Variants in RTN4 observed in about 807,000 individuals in gnomAD.
RTN4 encodes reticulon 4.
Under a neutral mutation model 90.4 loss-of-function variants are expected in RTN4, and 32 were observed. The observed-to-expected ratio is 0.35, with a 90% CI of 0.27 to 0.48. The LOEUF is 0.48. RTN4 is among the 20% of genes least tolerant of loss of function. The pLI is 0.99. For missense variants in RTN4, 1,706 were observed against 1,430.2 expected (o/e 1.19, Z -3.11); for synonymous variants, 629 against 552.5 (o/e 1.14, Z -1.94).
At chr2:55,015,142 T>C (rs1432159125) in intron 3 of RTN4, among the ~76,000 whole-genome samples, 1 of 152,046 alleles carries the variant, frequency 6.6e-6, no homozygotes, top group Non-Finnish European at 1.5e-5. Flanking sequence ...TCTGCAACAC[T>C]AGATGGCACC....
At chr2:55,137,372 A>G in the RTN4 span, among the ~76,000 whole-genome samples, 2 of 152,160 alleles carry the variant, frequency 1.3e-5, no homozygotes, top group African/African-American at 2.4e-5. Context: ...CAGTGACGCT[A>G]CGGAGTCAGG....
At chr2:55,054,260 G>A (rs1325627480), upstream of RTN4, among the ~76,000 whole-genome samples, 6 of 152,252 alleles carry the variant, frequency 3.9e-5, no homozygotes, top group African/African-American at 1.4e-4. Context: ...CTTGAAACAG[G>A]TGTGTCTGTA....
chr2:55,050,528 C>T (rs202126097), upstream of RTN4: 13 of 375,974 alleles, frequency 3.5e-5, no homozygotes, highest in Admixed American at 9.2e-5. This position sits in a 1 kb window ranked among gnomAD's most constrained non-coding sequence, Gnocchi z 4.6. Flanking sequence ...CCCAGATGAG[C>T]TAGGAGTGAG....
At chr2:54,992,962 T>C (rs1280542087) in intron 3 of RTN4, among the ~76,000 whole-genome samples, 1 of 150,096 alleles carries the variant, frequency 6.7e-6, no homozygotes, top group Non-Finnish European at 1.5e-5. Context: ...TAGTCCCAGC[T>C]ACTCAGGAGG....
chr2:55,125,920 G>A, the RTN4 span, among the ~76,000 whole-genome samples: 8 of 151,858 alleles, frequency 5.3e-5, no homozygotes, highest in African/African-American at 1.9e-4. Flanking sequence ...AATTAGCCAG[G>A]CATGGCAGCA....
At position 55,100,878 on chromosome 2, in the gene RTN4, AT is replaced by A. The variant is rs11453320; in HGVS notation, c.-214+11641del. Among the ~76,000 whole-genome samples, 104 of 146,424 alleles carry A rather than the reference AT, an allele frequency of 7.1e-4. 1 individual carries two copies. Among genetic ancestry groups the A allele is most frequent in the Admixed American group, 2.0e-3 (29 of 14,658 alleles). On this transcript the variant is annotated intron_variant, in intron 1 of 3. Transcript: ENST00000427710. ...TTTTTCTCTTGACAGCACTCTTAGCATTTTTTTTTTTTACTCTTACCATTTT... is the reference window on the plus strand; with the variant it reads ...TTTTTCTCTTGACAGCACTCTTAGCATTTTTTTTTTTACTCTTACCATTTT...
chr2:55,038,076 T>C (rs190777661), intron 1 of RTN4, among the ~76,000 whole-genome samples: 9 of 152,218 alleles, frequency 5.9e-5, no homozygotes, highest in Non-Finnish European at 8.8e-5. Flanking sequence ...GCTTATTATA[T>C]GTATGGAAAA....
intron 1 of RTN4, among the ~76,000 whole-genome samples, chr2:55,107,812 G>A (rs1374724451): frequency 6.6e-6 from 1 of 152,100 alleles, no homozygotes; most frequent in Non-Finnish European, 1.5e-5. Context: ...TACAAAAACA[G>A]AGATTGTGAA....
chr2:55,035,341 C>CTAAA (rs1682601395), intron 1 of RTN4, among the ~76,000 whole-genome samples: 2 of 151,976 alleles, frequency 1.3e-5, no homozygotes, highest in Non-Finnish European at 2.9e-5. Flanking sequence ...ATTAAATCAC[C>CTAAA]TAAAATATCC....
At chr2:54,988,786 G>GC (rs1472691877) in intron 3 of RTN4, among the ~76,000 whole-genome samples, 1 of 152,206 alleles carries the variant, frequency 6.6e-6, no homozygotes, top group African/African-American at 2.4e-5. Flanking sequence ...GTCAGACAAA[G>GC]CCCAATTTAG....
At chr2:55,030,232 G>C (rs1438213831) in intron 1 of RTN4, among the ~76,000 whole-genome samples, 1 of 151,724 alleles carries the variant, frequency 6.6e-6, no homozygotes, top group Non-Finnish European at 1.5e-5. Flanking sequence ...TTCCTACCTA[G>C]TGCAATAATC....
At chr2:55,117,766 A>G in the RTN4 span, among the ~76,000 whole-genome samples, 115 of 152,314 alleles carry the variant, frequency 7.6e-4, 1 homozygote, top group East Asian at 0.017. Flanking sequence ...GCAATCTTTG[A>G]TGGTAAAAAT....
At chr2:55,030,576 A>G (rs1162355568) in intron 1 of RTN4, among the ~76,000 whole-genome samples, 1 of 152,188 alleles carries the variant, frequency 6.6e-6, no homozygotes, top group East Asian at 1.9e-4. Context: ...AACTTGTAAA[A>G]TAAGGATAAT....
chr2:55,030,260 T>C (rs1161927858), intron 1 of RTN4, among the ~76,000 whole-genome samples: 1 of 152,198 alleles, frequency 6.6e-6, no homozygotes, highest in African/African-American at 2.4e-5. Context: ...ATAAAAACTA[T>C]ATTCCTGGAA....
intron 2 of RTN4, among the ~76,000 whole-genome samples, chr2:55,076,389 CTTTTTTTTTTTT>C (rs58070912): frequency 3.1e-5 from 2 of 64,648 alleles, no homozygotes; most frequent in Non-Finnish European, 5.3e-5. Flanking sequence ...TTCTTTTGTT[CTTTTTTTTTTTT>C]TTTTTTTTTT....
Position 55,026,128 on chromosome 2 carries a change from TG to T in RTN4, c.1970del (p.Pro657HisfsTer7). On this transcript the variant is annotated frameshift_variant, in exon 3 of 9. Transcript: ENST00000337526. LOFTEE classifies it high-confidence loss of function. ...ESIKHEPENPPPYEEAMSVSL... is the reference protein window; with the variant it reads ...ESIKHEPENPXPYEEAMSVSL... ...ATACACTCATGGCCTCTTCATATGG[TG>T]GGGGGTTTTCAGGCTCATGTTTTAT... 6.2e-7 allele frequency: 1 copy of T among 1,613,336 alleles called. No homozygotes were observed. Among genetic ancestry groups the T allele is most frequent in the Non-Finnish European group, 8.5e-7 (1 of 1,179,782 alleles).
chr2:55,072,741 A>G (rs575808692), intron 2 of RTN4, among the ~76,000 whole-genome samples: 1 of 152,330 alleles, frequency 6.6e-6, no homozygotes, highest in South Asian at 2.1e-4. Flanking sequence ...TCTAATTTTG[A>G]AATTCCCCAA....
At chr2:55,049,596 T>C (rs959943997) in intron 1 of RTN4, 149 bp downstream of exon 1, 5 of 1,341,776 alleles carry the variant, frequency 3.7e-6, no homozygotes, top group Admixed American at 2.0e-5. Context: ...TCCCCGCGCT[T>C]CCAACCAGAC....
At chr2:55,041,305 C>T (rs1357577565) in intron 1 of RTN4, among the ~76,000 whole-genome samples, 3 of 151,940 alleles carry the variant, frequency 2.0e-5, no homozygotes, top group Non-Finnish European at 4.4e-5. Flanking sequence ...ACAATATCAA[C>T]ACCGAATGTA....
Sources: allele counts gnomAD v4.1 joint callset (sites outside exome capture counted in the v4.1 genomes callset), GRCh38; gene constraint gnomAD v4.1.1; non-coding constraint Gnocchi (gnomAD v3.1); transcripts MANE v1.5; gene names NCBI Gene and HGNC (gene_info 2026-07-23, HGNC 2026-07-21).